The following FOXP2 variants were observed in gnomAD, a reference collection of about 807,000 sequenced individuals.
FOXP2 encodes the protein forkhead box P2.
FOXP2 carries 12 observed loss-of-function variants against 115.8 expected under a neutral mutation model. That is an observed-to-expected ratio of 0.10 (90% CI 0.07 to 0.17). FOXP2 has a LOEUF of 0.17. FOXP2 is among the 10% of genes least tolerant of loss of function. The pLI is 1.00. For synonymous variants in FOXP2, 328 were observed against 297.7 expected (o/e 1.10, Z -1.05); for missense variants, 629 against 843.5 (o/e 0.75, Z 3.15).
chr7:114,391,890 C>T (rs181384297), intron 2 of FOXP2, among the ~76,000 whole-genome samples: 25 of 152,222 alleles, frequency 1.6e-4, no homozygotes, highest in Admixed American at 1.4e-3. Context: ...CTCTGAAAAG[C>T]ATACTAGGTC....
At chr7:114,286,323 T>C (rs1402935186) in intron 1 of FOXP2, among the ~76,000 whole-genome samples, 4 of 152,066 alleles carry the variant, frequency 2.6e-5, no homozygotes, top group Non-Finnish European at 1.5e-5. Context: ...CCTTCATTTT[T>C]GAACTTTACT....
At chr7:114,239,756 A>G (rs1795104587) in intron 1 of FOXP2, among the ~76,000 whole-genome samples, 1 of 152,086 alleles carries the variant, frequency 6.6e-6, no homozygotes, top group Non-Finnish European at 1.5e-5. Context: ...AAGAAATGAG[A>G]AAAAAAATCT....
chr7:114,364,932 T>C (rs1791842487), intron 2 of FOXP2, among the ~76,000 whole-genome samples: 1 of 152,148 alleles, frequency 6.6e-6, no homozygotes, highest in Non-Finnish European at 1.5e-5. Flanking sequence ...CTGTGTGCTT[T>C]AACCAGCACA....
intron 1 of FOXP2, among the ~76,000 whole-genome samples, chr7:114,222,954 A>G (rs1794660365): frequency 1.3e-5 from 2 of 152,358 alleles, no homozygotes; most frequent in East Asian, 3.9e-4. Context: ...ATTCAGGTTT[A>G]CTATTTATTA....
At chr7:114,211,127 C>A (rs1445292345) in intron 1 of FOXP2, among the ~76,000 whole-genome samples, 1 of 152,212 alleles carries the variant, frequency 6.6e-6, no homozygotes, top group Non-Finnish European at 1.5e-5. Context: ...TGGGTCTTAA[C>A]TTACGAGGTG....
At chr7:114,175,118 A>ATT (rs201875876) in intron 1 of FOXP2, among the ~76,000 whole-genome samples, 2 of 150,444 alleles carry the variant, frequency 1.3e-5, no homozygotes, top group Non-Finnish European at 3.0e-5. Context: ...ATTTTAAGTG[A>ATT]TTTTTTTTTT....
chr7:114,561,745 T>C (rs1363218151), intron 3 of FOXP2, among the ~76,000 whole-genome samples: 1 of 152,176 alleles, frequency 6.6e-6, no homozygotes, highest in Non-Finnish European at 1.5e-5. Flanking sequence ...AAAAATGTTC[T>C]CCATGACCTT....
At chr7:114,480,307 C>A (rs868549569) in intron 2 of FOXP2, among the ~76,000 whole-genome samples, 2 of 151,028 alleles carry the variant, frequency 1.3e-5, no homozygotes, top group African/African-American at 2.4e-5. Flanking sequence ...AATCCAATTA[C>A]ATTTTTAAAG....
At chr7:114,644,620 C>A in intron 7 of FOXP2, 65 bp from the exon 8 acceptor site, 1 of 1,354,436 alleles carries the variant, frequency 7.4e-7, no homozygotes, top group Admixed American at 1.7e-5. Context: ...ACCTGACAGG[C>A]GCTAGCAGCC....
At chr7:114,094,857 G>A (rs993656610) in intron 1 of FOXP2, among the ~76,000 whole-genome samples, 4 of 151,792 alleles carry the variant, frequency 2.6e-5, no homozygotes, top group Non-Finnish European at 1.5e-5. Flanking sequence ...ATGAGGTCTC[G>A]CTATGTTGTC....
intron 3 of FOXP2, among the ~76,000 whole-genome samples, chr7:114,545,937 C>G (rs985390097): frequency 6.6e-6 from 1 of 152,144 alleles, no homozygotes; most frequent in Non-Finnish European, 1.5e-5. Flanking sequence ...ACTTATATGT[C>G]TTGTTAATGC....
intron 1 of FOXP2, among the ~76,000 whole-genome samples, chr7:114,170,110 T>A (rs1793098655): frequency 6.6e-6 from 1 of 152,208 alleles, no homozygotes; most frequent in Admixed American, 6.5e-5. Flanking sequence ...TGTGTCTGTA[T>A]CACATTTTGG....
At chr7:114,100,947 T>A (rs1333488174) in intron 1 of FOXP2, among the ~76,000 whole-genome samples, 1 of 152,194 alleles carries the variant, frequency 6.6e-6, no homozygotes, top group Non-Finnish European at 1.5e-5. Context: ...GTGAAGGGTC[T>A]GAGATTTACT....
Position 114,531,635 on chromosome 7 carries a change from T to G in FOXP2, c.169-2982T>G, listed in dbSNP as rs189491154. Among the ~76,000 whole-genome samples the G allele has an allele frequency of 7.8e-3, 1,192 of 152,084 alleles. 8 individuals are homozygous for G. The highest frequency in any genetic ancestry group is 0.012 in the Non-Finnish European group (839 of 67,898). Reference sequence around the variant, plus strand: ...CTCTTATGTTTACTATAGCAGTCTCTACTCTACCAAAAGAATGTTGAAATA... The same window carrying G: ...CTCTTATGTTTACTATAGCAGTCTCGACTCTACCAAAAGAATGTTGAAATA... On this transcript the variant is annotated intron_variant, in intron 2 of 16. Coordinates refer to ENST00000350908, the MANE Select transcript of FOXP2 (RefSeq NM_014491.4).
chr7:114,399,743 G>A (rs1164088002), intron 2 of FOXP2, among the ~76,000 whole-genome samples: 3 of 151,782 alleles, frequency 2.0e-5, no homozygotes, highest in African/African-American at 4.8e-5. Context: ...AAATAATACT[G>A]TGTGTTAAAG....
Position 114,692,503 on chromosome 7 carries a change from A to G in FOXP2, c.*2577A>G, listed in dbSNP as rs974528792. ...ATGTAAAAATGTTGGTGGACCCATAAATGACCAGACTTTTTCTAAGAAAAA... is the reference window on the plus strand; with the variant it reads ...ATGTAAAAATGTTGGTGGACCCATAGATGACCAGACTTTTTCTAAGAAAAA... On this transcript the variant is annotated 3_prime_UTR_variant, in exon 17 of 17. Transcript: ENST00000350908. The G allele has an allele frequency of 2.2e-6, 1 of 454,042 alleles. No individual in the cohort carries two copies. Among genetic ancestry groups the G allele is most frequent in the African/African-American group, 2.0e-5 (1 of 50,092 alleles). The allele number at this position is 454,042 out of a possible 1,614,324, so 28.1% of individuals were successfully genotyped here.
At chr7:114,167,915 G>T (rs547743640) in intron 1 of FOXP2, among the ~76,000 whole-genome samples, 9 of 136,908 alleles carry the variant, frequency 6.6e-5, no homozygotes, top group Non-Finnish European at 1.4e-4. Flanking sequence ...CAGCTTGGGT[G>T]ACAGACCAAG....
intron 2 of FOXP2, among the ~76,000 whole-genome samples, chr7:114,376,404 A>G (rs1193982183): frequency 1.3e-5 from 2 of 152,236 alleles, no homozygotes; most frequent in Non-Finnish European, 2.9e-5. Context: ...CCTACTCCAC[A>G]GAGCTGTTGT....
upstream of FOXP2, among the ~76,000 whole-genome samples, chr7:114,410,462 C>T (rs1269548959): frequency 6.6e-6 from 1 of 152,048 alleles, no homozygotes; most frequent in Non-Finnish European, 1.5e-5. Flanking sequence ...CCACTGTCTT[C>T]ATCTGTAAAA....
Sources: gnomAD v4.1 joint callset for allele counts (sites outside exome capture counted in the v4.1 genomes callset) on GRCh38, gnomAD v4.1.1 for gene constraint, MANE v1.5 for transcripts, NCBI Gene and HGNC (gene_info 2026-07-23, HGNC 2026-07-21) for gene names.